ESR1: variants seen among roughly 807,000 people sequenced by gnomAD.
ESR1 encodes estrogen receptor 1, also known as estrogen receptor.
ESR1 carries 12 observed loss-of-function variants against 52.7 expected under a neutral mutation model. That is an observed-to-expected ratio of 0.23 (90% CI 0.15 to 0.37). The LOEUF (loss-of-function observed/expected upper bound fraction) is 0.37. ESR1 is among the 10% of genes least tolerant of loss of function. ESR1 has a pLI of 1.00. For missense variants in ESR1, 584 were observed against 779.7 expected (o/e 0.75, Z 2.99); for synonymous variants, 305 against 316.8 (o/e 0.96, Z 0.39).
intron 3 of ESR1, among the ~76,000 whole-genome samples, chr6:151,912,216 T>C (rs1430963412): frequency 6.6e-6 from 1 of 152,250 alleles, no homozygotes; most frequent in African/African-American, 2.4e-5. Context: ...ATTCAGCGTG[T>C]CTGATAGGCG....
chr6:152,006,160 T>G (rs929519990), intron 4 of ESR1, among the ~76,000 whole-genome samples: 1 of 152,126 alleles, frequency 6.6e-6, no homozygotes, highest in African/African-American at 2.4e-5. Flanking sequence ...AGTGATTATT[T>G]ATTCCATTAC....
rs2035473229 is a variant in ESR1 at position 151,944,516 on chromosome 6, T to A, written c.1096+8T>A. The A allele has an allele frequency of 6.2e-7, 1 of 1,613,246 alleles. No individual in the cohort carries two copies. Among genetic ancestry groups the A allele is most frequent in the Admixed American group, 1.7e-5 (1 of 60,002 alleles). On this transcript the variant is annotated splice_region_variant and intron_variant, in intron 4 of 7. Transcript: ENST00000206249. ...GGGCGAAGAGGGTGCCAGGTAAGAA[T>A]GCGAAGCGCAGCTTTTAAGAGTCAA...
At chr6:151,877,347 A>C (rs1792022353) in intron 2 of ESR1, among the ~76,000 whole-genome samples, 1 of 152,198 alleles carries the variant, frequency 6.6e-6, no homozygotes, top group African/African-American at 2.4e-5. Context: ...TCTTCTTCTG[A>C]CGTGAGCTGA....
rs1436999383 is a variant in ESR1 at position 152,098,937 on chromosome 6, G to T, written c.1759G>T (p.Glu587Ter). The change falls in exon 8 of 8, where the codon GAG becomes TAG. Residue 587 changes from glutamate (E) to a stop codon, truncating the protein, a stop_gained. Coordinates refer to ENST00000206249, the MANE Select transcript of ESR1 (RefSeq NM_000125.4). LOFTEE classifies it high-confidence loss of function. The surrounding 1 kb of genome is among the most constrained non-coding windows in gnomAD (Gnocchi z 5.1). Reference protein sequence around the residue: ...HSLQKYYITGEAEGFPATV With the variant: ...HSLQKYYITG The stretch of plus-strand genomic sequence containing the variant: ...CTTGCAAAAGTATTACATCACGGGG[G>T]AGGCAGAGGGTTTCCCTGCCACGGT... The T allele has an allele frequency of 1.9e-6, 3 of 1,614,042 alleles. No individual in the cohort carries two copies. Among genetic ancestry groups the T allele is most frequent in the Non-Finnish European group, 2.5e-6 (3 of 1,180,038 alleles).
At chr6:152,004,123 G>A (rs1307908951) in intron 4 of ESR1, among the ~76,000 whole-genome samples, 2 of 151,864 alleles carry the variant, frequency 1.3e-5, no homozygotes, top group African/African-American at 2.4e-5. Flanking sequence ...ATGTTGATGT[G>A]TAAAAATAAT....
chr6:152,103,192 G>C lies in ESR1; in HGVS notation c.*4226G>C, dbSNP rs951485429. On this transcript the variant is annotated 3_prime_UTR_variant, in exon 8 of 8. Transcript: ENST00000206249. The stretch of plus-strand genomic sequence containing the variant: ...CACTTGTAAACCTCTTTTGCACTTT[G>C]AAAAAGAATCCAGCGGGATGCTCGA... The C allele has an allele frequency of 2.5e-5, 5 of 196,198 alleles. No homozygotes were observed. The highest frequency in any genetic ancestry group is 6.9e-5 in the African/African-American group (3 of 43,258). The allele number at this position is 196,198 out of a possible 1,614,324, so 12.2% of individuals were successfully genotyped here. A position where few individuals can be genotyped will look rare whatever the true frequency, so the allele number is the denominator to read the frequency against.
intron 4 of ESR1, among the ~76,000 whole-genome samples, chr6:151,982,221 G>A (rs1026317154): frequency 2.0e-5 from 3 of 152,226 alleles, no homozygotes; most frequent in African/African-American, 7.2e-5. Context: ...TGAGACCTGG[G>A]CCTCTGAAGC....
At chr6:151,659,562 G>A (rs1738388) in intron 1 of ESR1, among the ~76,000 whole-genome samples, 40,557 of 152,030 alleles carry the variant, frequency 0.27, 6,409 homozygotes, top group East Asian at 0.47. Flanking sequence ...TTGGCATTCC[G>A]ATTTATCTAT....
At chr6:151,974,402 C>A (rs1185242979) in intron 4 of ESR1, among the ~76,000 whole-genome samples, 1 of 152,268 alleles carries the variant, frequency 6.6e-6, no homozygotes, top group Non-Finnish European at 1.5e-5. Context: ...ACAGAGGCTG[C>A]CGGAGGTCAC....
At chr6:151,801,055 T>TGC (rs1340868443), upstream of ESR1, among the ~76,000 whole-genome samples, 1 of 147,138 alleles carries the variant, frequency 6.8e-6, no homozygotes. Context: ...TTATGTGGTG[T>TGC]GTGTGTGTGT....
At chr6:151,945,108 T>C (rs895495253) in intron 4 of ESR1, among the ~76,000 whole-genome samples, 6 of 152,024 alleles carry the variant, frequency 3.9e-5, no homozygotes, top group Admixed American at 2.0e-4. Context: ...GTCCCAGTTA[T>C]GGGGGAGGCC....
At chr6:151,964,726 C>T (rs1195507262) in intron 4 of ESR1, among the ~76,000 whole-genome samples, 1 of 151,658 alleles carries the variant, frequency 6.6e-6, no homozygotes, top group African/African-American at 2.4e-5. Flanking sequence ...ACTGCAAGCT[C>T]TGCCTCCTGG....
chr6:152,100,155 C>T lies in ESR1; in HGVS notation c.*1189C>T. The T allele has an allele frequency of 2.5e-6, 1 of 398,524 alleles. No individual in the cohort carries two copies. Among genetic ancestry groups the T allele is most frequent in the Admixed American group, 4.4e-5 (1 of 22,742 alleles). The allele number at this position is 398,524 out of a possible 1,614,324, so 24.7% of individuals were successfully genotyped here. A position where few individuals can be genotyped will look rare whatever the true frequency, so the allele number is the denominator to read the frequency against. On this transcript the variant is annotated 3_prime_UTR_variant, in exon 8 of 8. Coordinates refer to ENST00000206249, the MANE Select transcript of ESR1 (RefSeq NM_000125.4). ...GACCCCGCATTGCCCTTTGGGGGTG[C>T]CCTGGGATCCCTGGGGTAGTCCAGC...
At chr6:151,930,352 T>A (rs2033412612) in intron 3 of ESR1, among the ~76,000 whole-genome samples, 1 of 152,176 alleles carries the variant, frequency 6.6e-6, no homozygotes, top group Admixed American at 6.5e-5. Flanking sequence ...TTTTTAAGTA[T>A]TCTAAATACA....
chr6:151,724,525 A>G (rs886353592), intron 2 of ESR1, among the ~76,000 whole-genome samples: 16 of 152,152 alleles, frequency 1.1e-4, no homozygotes, highest in Admixed American at 9.8e-4. Context: ...GGATCACCGT[A>G]TGATGCTTCT....
At chr6:152,114,832 A>C (rs2051189723) in intron 6 of ESR1, among the ~76,000 whole-genome samples, 1 of 131,814 alleles carries the variant, frequency 7.6e-6, no homozygotes, top group African/African-American at 2.8e-5. Flanking sequence ...CGGAGCTTGC[A>C]GTGAGCCGAG....
Position 151,773,208 on chromosome 6 carries a change from A to C in ESR1, c.-70-34635A>C, listed in dbSNP as rs1242723037. 2.0e-5 allele frequency among the ~76,000 whole-genome samples: 3 copies of C among 152,222 alleles called. No individual in the cohort carries two copies. In the East Asian group the frequency reaches 5.8e-4, roughly 29 times the overall value. On this transcript the variant is annotated intron_variant, in intron 2 of 2. Transcript: ENST00000404742. ...GAGAAAGACGTGATGATGAAGGCAG[A>C]GTGGGGGGTGATGCTTCTATAAGCC...
chr6:151,734,222 A>G lies in ESR1; in HGVS notation c.-71+32217A>G, dbSNP rs139453250. On this transcript the variant is annotated intron_variant, in intron 2 of 2. Transcript: ENST00000404742. ...GGTTTTTTGAGTTAGCTACTGGGCC[A>G]TGCAACAGGCCTGGCTGCTTGTGAG... 8.0e-3 allele frequency among the ~76,000 whole-genome samples: 1,223 copies of G among 152,326 alleles called. 12 individuals carry two copies. The highest frequency in any genetic ancestry group is 0.02 in the Middle Eastern group (6 of 294).
At chr6:151,710,344 A>T (rs1780504407) in intron 2 of ESR1, among the ~76,000 whole-genome samples, 1 of 152,146 alleles carries the variant, frequency 6.6e-6, no homozygotes, top group South Asian at 2.1e-4. Flanking sequence ...TACTGATCAA[A>T]ATGAAGATGC....
Sources: allele counts gnomAD v4.1 joint callset (sites outside exome capture counted in the v4.1 genomes callset), GRCh38; gene constraint gnomAD v4.1.1; non-coding constraint Gnocchi (gnomAD v3.1); transcripts MANE v1.5; gene names NCBI Gene and HGNC (gene_info 2026-07-23, HGNC 2026-07-21).